Variants in ZNF618 observed in about 807,000 individuals in gnomAD.
The protein encoded by ZNF618 is zinc finger protein 618.
ZNF618 carries 34 observed loss-of-function variants against 103.0 expected under a neutral mutation model. The ratio of observed to expected loss-of-function variants is 0.33; its 90% CI spans 0.25 to 0.44. ZNF618 has a LOEUF of 0.44. ZNF618 is among the 20% of genes least tolerant of loss of function. ZNF618 has a pLI of 1.00. For missense variants in ZNF618, 1,059 were observed against 1,295.4 expected (o/e 0.82, Z 2.80); for synonymous variants, 551 against 542.2 (o/e 1.02, Z -0.23).
rs1283810613 is a variant in ZNF618, at chr9:113,926,811, A to G, written c.34-42306A>G. On this transcript the variant is annotated intron_variant, in intron 1 of 14. Transcript: ENST00000374126. Reference sequence around the variant, plus strand: ...GTGGATCGCTTGAGCTCAAGAGTTCAAGACCAGCCTGTGCAACATGGTGAA... The same window carrying G: ...GTGGATCGCTTGAGCTCAAGAGTTCGAGACCAGCCTGTGCAACATGGTGAA... 2.0e-5 allele frequency among the ~76,000 whole-genome samples: 3 copies of G among 152,304 alleles called. No homozygotes were observed. The East Asian group carries it at 5.8e-4, about 29-fold the overall frequency.
chr9:114,012,286 A>G (rs1366271737), intron 9 of ZNF618, among the ~76,000 whole-genome samples: 1 of 152,228 alleles, frequency 6.6e-6, no homozygotes, highest in East Asian at 1.9e-4. Flanking sequence ...GGGTGCCAGC[A>G]TGGCGGGTTT....
chr9:113,982,763 G>A (rs141441832), intron 2 of ZNF618, among the ~76,000 whole-genome samples: 3 of 152,272 alleles, frequency 2.0e-5, no homozygotes, highest in Admixed American at 1.3e-4. Context: ...CCTCATGGGT[G>A]CATCTAAGAG....
At chr9:113,883,287 A>T (rs188102182) in intron 1 of ZNF618, among the ~76,000 whole-genome samples, 1 of 152,196 alleles carries the variant, frequency 6.6e-6, no homozygotes, top group Non-Finnish European at 1.5e-5. Flanking sequence ...ATGCTCCTTT[A>T]CATGTCTTGG....
intron 1 of ZNF618, among the ~76,000 whole-genome samples, chr9:113,941,082 A>G (rs769410913): frequency 3.3e-5 from 5 of 151,422 alleles, no homozygotes; most frequent in African/African-American, 9.7e-5. Context: ...CCCTTCCCCA[A>G]TTCCTTGCAC....
intron 13 of ZNF618, among the ~76,000 whole-genome samples, chr9:114,037,211 C>T: frequency 6.6e-6 from 1 of 152,202 alleles, no homozygotes; most frequent in East Asian, 1.9e-4. Flanking sequence ...GCCCAATGCA[C>T]ATGATCTAGT....
chr9:113,936,001 C>T (rs1418841019), intron 1 of ZNF618, among the ~76,000 whole-genome samples: 1 of 152,108 alleles, frequency 6.6e-6, no homozygotes, highest in Non-Finnish European at 1.5e-5. Context: ...GTCATCCAGG[C>T]TGGAGTGCAG....
At chr9:113,926,444 T>G (rs1833106314) in intron 1 of ZNF618, among the ~76,000 whole-genome samples, 2 of 152,066 alleles carry the variant, frequency 1.3e-5, no homozygotes, top group Non-Finnish European at 2.9e-5. Flanking sequence ...TCTCAGCCAT[T>G]GCTACTTCAA....
At chr9:113,889,646 T>A (rs1178780759) in intron 1 of ZNF618, among the ~76,000 whole-genome samples, 1 of 152,222 alleles carries the variant, frequency 6.6e-6, no homozygotes. Flanking sequence ...TATATCTTGA[T>A]GTGGCCATCT....
chr9:114,002,473 T>A, intron 5 of ZNF618, 151 bp from the exon 6 acceptor site: 1 of 790,356 alleles, frequency 1.3e-6, no homozygotes, highest in Middle Eastern at 2.3e-4. Context: ...TCCCGGAGCC[T>A]GGCAGACAGG....
At position 113,922,737 on chromosome 9, in the gene ZNF618, A is replaced by G. The variant is rs1461412780; in HGVS notation, c.33+46324A>G. ...TAAGTCTCGAAGCTGGGTAGTGTCA[A>G]TCCTCCAACTTTATTGTTGTTCTTT... On this transcript the variant is annotated intron_variant, in intron 1 of 14. Transcript: ENST00000374126. 2.6e-5 allele frequency among the ~76,000 whole-genome samples: 4 copies of G among 152,158 alleles called. No individual in the cohort carries two copies. The East Asian group carries it at 7.7e-4, about 29-fold the overall frequency.
chr9:113,946,461 A>T (rs1439362789), intron 1 of ZNF618, among the ~76,000 whole-genome samples: 3 of 151,588 alleles, frequency 2.0e-5, no homozygotes, highest in Admixed American at 6.6e-5. Flanking sequence ...CTATTTTCCA[A>T]GGAAATGGGG....
chr9:113,946,611 G>A (rs1265576631), intron 1 of ZNF618, among the ~76,000 whole-genome samples: 1 of 152,168 alleles, frequency 6.6e-6, no homozygotes, highest in Non-Finnish European at 1.5e-5. Flanking sequence ...TTACCAGTGC[G>A]AGGTAGGGGG....
rs1053829522 is a variant in ZNF618 at position 114,053,945 on chromosome 9, A to T, written c.*3778A>T. 6.6e-6 allele frequency: 1 copy of T among 152,312 alleles called. No homozygotes were observed. The highest frequency in any genetic ancestry group is 2.4e-5 in the African/African-American group (1 of 41,432). The allele number at this position is 152,312 out of a possible 1,614,324, so 9.4% of individuals were successfully genotyped here. On this transcript the variant is annotated 3_prime_UTR_variant, in exon 15 of 15. Transcript: ENST00000374126. The stretch of plus-strand genomic sequence containing the variant: ...CATCTGAGGATTGGTTTTTGGCTGG[A>T]AAAAGGGTACCAGGGTTTCCTGGCA...
At chr9:113,924,747 G>C (rs1832934186) in intron 1 of ZNF618, among the ~76,000 whole-genome samples, 1 of 151,786 alleles carries the variant, frequency 6.6e-6, no homozygotes. Flanking sequence ...GTTCATAATA[G>C]TTTTTAATTT....
At chr9:114,016,918 G>C (rs576558340) in intron 10 of ZNF618, 134 bp downstream of exon 10, 237 of 670,622 alleles carry the variant, frequency 3.5e-4, no homozygotes, top group Non-Finnish European at 5.5e-4. Flanking sequence ...CAGTCTTTAG[G>C]TATTATGTCT....
intron 11 of ZNF618, chr9:114,030,965 G>A (rs777099148): frequency 3.9e-5 from 6 of 152,232 alleles, no homozygotes; most frequent in Admixed American, 6.5e-5. Flanking sequence ...TGAAGATGGA[G>A]TAGGCAGTCA....
At position 113,942,321 on chromosome 9, in the gene ZNF618, C is replaced by T. The variant is rs116634415; in HGVS notation, c.34-26796C>T. On this transcript the variant is annotated intron_variant, in intron 1 of 14. Transcript: ENST00000374126. ...AATTTCTCACTCCTGAATCTCAAGT[C>T]TTCCTTCCTCTTCCCTCTCTTCTTT... 9.7e-3 allele frequency among the ~76,000 whole-genome samples: 1,470 copies of T among 151,312 alleles called. 19 individuals carry two copies. Among genetic ancestry groups the T allele is most frequent in the African/African-American group, 0.033 (1,368 of 41,164 alleles).
At chr9:113,889,350 T>TCTCTCTCTCTCCCTCCCTCC (rs1191014933) in intron 1 of ZNF618, among the ~76,000 whole-genome samples, 1 of 148,360 alleles carries the variant, frequency 6.7e-6, no homozygotes, top group Admixed American at 7.3e-5. Context: ...TCTCTCTTTC[T>TCTCTCTCTCTCCCTCCCTCC]CTCCCTCCCT....
At chr9:113,970,227 CT>C (rs142590030) in intron 2 of ZNF618, among the ~76,000 whole-genome samples, 15 of 150,998 alleles carry the variant, frequency 9.9e-5, no homozygotes, top group African/African-American at 2.7e-4. Context: ...TATGGGACCC[CT>C]TTTTTTTTGA....
Sources: gnomAD v4.1 joint callset for allele counts (sites outside exome capture counted in the v4.1 genomes callset) on GRCh38, gnomAD v4.1.1 for gene constraint, MANE v1.5 for transcripts, NCBI Gene and HGNC (gene_info 2026-07-23, HGNC 2026-07-21) for gene names.